Variants in AHNAK observed in about 807,000 individuals in gnomAD.
AHNAK encodes neuroblast differentiation-associated protein AHNAK.
AHNAK carries 23 observed loss-of-function variants against 37.8 expected under a neutral mutation model. The observed-to-expected ratio is 0.61, with a 90% CI of 0.44 to 0.86. The LOEUF (loss-of-function observed/expected upper bound fraction) is 0.86. Ranked by LOEUF, AHNAK falls within the 40% of genes least tolerant of loss-of-function variation. The pLI is 0.00. For missense variants in AHNAK, 7,411 were observed against 7,319.4 expected (o/e 1.01, Z -0.46); for synonymous variants, 2,481 against 2,636.3 (o/e 0.94, Z 1.80).
intron 5 of AHNAK, among the ~76,000 whole-genome samples, chr11:62,482,718 T>A (rs1159503026): frequency 1.3e-5 from 2 of 152,142 alleles, no homozygotes; most frequent in East Asian, 3.8e-4. Flanking sequence ...CCCCAGAATG[T>A]CTCCATCTAG....
chr11:62,470,100 C>T (rs185263347), intron 5 of AHNAK, among the ~76,000 whole-genome samples: 482 of 151,558 alleles, frequency 3.2e-3, no homozygotes, highest in Non-Finnish European at 5.4e-3. Context: ...GTCAAGAGAT[C>T]GAGACCATCC....
rs1940224506 is a variant in AHNAK, at chr11:62,521,175, G to A, written c.13242C>T (p.Leu4414=). 6.2e-7 allele frequency: 1 copy of A among 1,613,788 alleles called. No individual in the cohort carries two copies. Among genetic ancestry groups the A allele is most frequent in the Admixed American group, 1.7e-5 (1 of 59,982 alleles). The change falls in exon 5 of 5, where the codon CTC becomes CTT. Residue 4414 remains leucine, a synonymous_variant. Coordinates refer to ENST00000378024, the MANE Select transcript of AHNAK (RefSeq NM_001620.3). ...CTTTTATGTCAATTTCAGGGCCCTT[G>A]AGATCACCTTCCACTTTGGGCAGAG... is the stretch of plus-strand genomic sequence containing the variant. ...DVSLPKVEGD[L]KGPEIDIKGP...
At chr11:62,461,545 A>G (rs1007260625) in intron 5 of AHNAK, among the ~76,000 whole-genome samples, 1 of 152,206 alleles carries the variant, frequency 6.6e-6, no homozygotes, top group African/African-American at 2.4e-5. Flanking sequence ...GAGAAGGGCC[A>G]AGCCTAAGGA....
intron 5 of AHNAK, among the ~76,000 whole-genome samples, chr11:62,470,319 G>A (rs538311473): frequency 6.6e-5 from 10 of 152,212 alleles, no homozygotes; most frequent in South Asian, 2.1e-4. Flanking sequence ...GGTGGCATGC[G>A]CCTGTAATCC....
At chr11:62,441,729 C>T (rs1356659568) in intron 5 of AHNAK, among the ~76,000 whole-genome samples, 1 of 151,798 alleles carries the variant, frequency 6.6e-6, no homozygotes, top group African/African-American at 2.4e-5. Flanking sequence ...TTCAAATTCC[C>T]GACCTCAAGT....
chr11:62,482,898 C>A (rs1350911898), intron 5 of AHNAK, among the ~76,000 whole-genome samples: 1 of 152,188 alleles, frequency 6.6e-6, no homozygotes. Flanking sequence ...AGCAGGAGAA[C>A]TGGCCCTGCT....
At chr11:62,546,112 G>C (rs1477096978) in intron 1 of AHNAK, 1 of 153,554 alleles carries the variant, frequency 6.5e-6, no homozygotes, top group African/African-American at 2.4e-5. Context: ...TGAGGGGCTG[G>C]TGGTACAGAA....
intron 4 of AHNAK, among the ~76,000 whole-genome samples, chr11:62,493,567 C>CCAATCTGGGCAACAAGA (rs1565213284): frequency 6.6e-6 from 1 of 152,038 alleles, no homozygotes; most frequent in African/African-American, 2.4e-5. Flanking sequence ...CTCCTGACCT[C>CCAATCTGGGCAACAAGA]AGGTTATCCA....
chr11:62,470,316 T>A (rs907716056), intron 5 of AHNAK, among the ~76,000 whole-genome samples: 1 of 152,016 alleles, frequency 6.6e-6, no homozygotes, highest in Admixed American at 6.6e-5. Context: ...CATGGTGGCA[T>A]GCGCCTGTAA....
At chr11:62,467,120 C>T (rs1938927835) in intron 5 of AHNAK, among the ~76,000 whole-genome samples, 1 of 150,588 alleles carries the variant, frequency 6.6e-6, no homozygotes, top group Admixed American at 6.7e-5. Context: ...GGGAGGATCA[C>T]TTGAGCCCAG....
intron 5 of AHNAK, among the ~76,000 whole-genome samples, chr11:62,450,357 A>G (rs1399554372): frequency 6.6e-6 from 1 of 151,430 alleles, no homozygotes; most frequent in Non-Finnish European, 1.5e-5. Context: ...GTTGTTGTTT[A>G]TTTATTTGTA....
intron 1 of AHNAK, among the ~76,000 whole-genome samples, chr11:62,543,958 C>G (rs1941215072): frequency 6.6e-6 from 1 of 152,160 alleles, no homozygotes; most frequent in Admixed American, 6.5e-5. Flanking sequence ...AGGACTAGCT[C>G]TCCCGGTCTG....
At chr11:62,481,426 C>A (rs1009388616) in intron 5 of AHNAK, among the ~76,000 whole-genome samples, 2 of 151,584 alleles carry the variant, frequency 1.3e-5, no homozygotes, top group African/African-American at 2.4e-5. Flanking sequence ...CCCTTTCTTC[C>A]ATTTCCCTTG....
chr11:62,526,272 G>A lies in AHNAK; in HGVS notation c.8145C>T (p.Asn2715=), dbSNP rs767803984. 4.0e-5 allele frequency: 65 copies of A among 1,612,662 alleles called. No individual in the cohort carries two copies. In the Admixed American group the frequency reaches 1.0e-3, roughly 26 times the overall value. ...PKISMPDIDL[N]LKGPKVKGDV... ...CACCCTTCACTTTGGGTCCTTTCAG[G>A]TTTAAGTCAATATCAGGCATGGAGA... is the stretch of plus-strand genomic sequence containing the variant. Residue 2715 remains asparagine (N), a synonymous_variant, in exon 5 of 5, where the codon AAC becomes AAT. Transcript: ENST00000378024.
intron 5 of AHNAK, among the ~76,000 whole-genome samples, chr11:62,455,024 G>A (rs557610002): frequency 6.6e-5 from 10 of 150,502 alleles, no homozygotes; most frequent in Admixed American, 1.3e-4. Context: ...CCTCCGCCCC[G>A]TGGGTTCAAG....
chr11:62,485,008 C>T (rs560253180), intron 5 of AHNAK, among the ~76,000 whole-genome samples: 17 of 152,198 alleles, frequency 1.1e-4, no homozygotes, highest in Non-Finnish European at 2.1e-4. Context: ...AGGCTGGTCT[C>T]GAACTCCTGA....
chr11:62,443,650 T>A (rs1938361933), intron 5 of AHNAK, among the ~76,000 whole-genome samples: 1 of 152,134 alleles, frequency 6.6e-6, no homozygotes, highest in Non-Finnish European at 1.5e-5. Context: ...CCCTCTCACC[T>A]GCCACTGCCA....
At chr11:62,534,636 A>G (rs1216416959) in intron 4 of AHNAK, among the ~76,000 whole-genome samples, 2 of 152,234 alleles carry the variant, frequency 1.3e-5, no homozygotes, top group African/African-American at 2.4e-5. Flanking sequence ...AGAATGTATC[A>G]GGCCTCTGCA....
At chr11:62,470,943 G>A (rs900078069) in intron 5 of AHNAK, among the ~76,000 whole-genome samples, 5 of 152,050 alleles carry the variant, frequency 3.3e-5, no homozygotes, top group Admixed American at 6.6e-5. Context: ...AGACCTGACC[G>A]TCCCTGCTGG....
Sources: allele counts gnomAD v4.1 joint callset (sites outside exome capture counted in the v4.1 genomes callset), GRCh38; gene constraint gnomAD v4.1.1; transcripts MANE v1.5; gene names NCBI Gene and HGNC (gene_info 2026-07-23, HGNC 2026-07-21).